The following TRMT11 variants were observed in gnomAD, a reference collection of about 807,000 sequenced individuals.
TRMT11 encodes the protein tRNA methyltransferase 11.
In TRMT11, 53 loss-of-function variants were observed where a neutral mutation model predicts 62.8. The observed-to-expected ratio is 0.84, with a 90% CI of 0.68 to 1.06. The LOEUF (loss-of-function observed/expected upper bound fraction) is 1.06. Ranked by LOEUF, TRMT11 falls within the 50% of genes least tolerant of loss-of-function variation. TRMT11 has a pLI of 0.00. For synonymous variants in TRMT11, 188 were observed against 190.3 expected (o/e 0.99, Z 0.10); for missense variants, 556 against 553.4 (o/e 1.00, Z -0.05).
intron 12 of TRMT11, among the ~76,000 whole-genome samples, chr6:126,034,301 C>T (rs370721231): frequency 4.6e-5 from 7 of 152,114 alleles, no homozygotes; most frequent in East Asian, 3.9e-4. Context: ...CAAAAAGATA[C>T]GGAAAATTAA....
intron 17 of TRMT11, among the ~76,000 whole-genome samples, chr6:126,064,870 C>A (rs978324332): frequency 1.3e-5 from 2 of 152,164 alleles, no homozygotes; most frequent in African/African-American, 4.8e-5. Flanking sequence ...GTTTAGCAGC[C>A]TTGTTTTATG....
chr6:126,169,621 T>A (rs1778308281), intron 21 of TRMT11, among the ~76,000 whole-genome samples: 1 of 152,212 alleles, frequency 6.6e-6, no homozygotes, highest in Non-Finnish European at 1.5e-5. Flanking sequence ...TGTGGTCACC[T>A]GGCTGGTGAA....
At chr6:126,200,603 GA>G (rs1282668013) in intron 3 of TRMT11, among the ~76,000 whole-genome samples, 3 of 152,080 alleles carry the variant, frequency 2.0e-5, no homozygotes, top group Non-Finnish European at 4.4e-5. Context: ...GCCCAGGCTG[GA>G]AGTGCAGTGG....
At chr6:126,015,062 A>G (rs549101264) in intron 11 of TRMT11, among the ~76,000 whole-genome samples, 77 of 139,658 alleles carry the variant, frequency 5.5e-4, no homozygotes, top group Admixed American at 1.6e-3. Context: ...TTTTTGTTTA[A>G]TTCAAGTTGT....
chr6:126,178,381 G>C (rs1259736356), intron 1 of TRMT11, among the ~76,000 whole-genome samples: 1 of 152,164 alleles, frequency 6.6e-6, no homozygotes, highest in Non-Finnish European at 1.5e-5. Context: ...CATGGGACTG[G>C]CCTTGCAGCT....
At chr6:126,189,015 G>T (rs1288701066) in intron 1 of TRMT11, among the ~76,000 whole-genome samples, 1 of 152,060 alleles carries the variant, frequency 6.6e-6, no homozygotes, top group African/African-American at 2.4e-5. Flanking sequence ...ATCATAGGAG[G>T]TTATAGACTC....
intron 17 of TRMT11, among the ~76,000 whole-genome samples, chr6:126,106,017 A>G (rs1026899062): frequency 6.6e-5 from 10 of 152,210 alleles, no homozygotes; most frequent in African/African-American, 2.2e-4. Context: ...TGCTCAATAC[A>G]TAATTGTTTG....
intron 21 of TRMT11, among the ~76,000 whole-genome samples, chr6:126,129,156 C>G (rs1023629997): frequency 2.0e-5 from 3 of 152,088 alleles, no homozygotes; most frequent in Admixed American, 1.3e-4. Flanking sequence ...ACTCTCATAT[C>G]TCTAACAGTA....
intron 17 of TRMT11, among the ~76,000 whole-genome samples, chr6:126,081,832 T>C (rs1777162365): frequency 6.6e-6 from 1 of 152,130 alleles, no homozygotes; most frequent in Non-Finnish European, 1.5e-5. Context: ...GATCCAGTGA[T>C]AATATGTGCA....
At chr6:126,018,698 G>GT (rs1345411925) in intron 11 of TRMT11, among the ~76,000 whole-genome samples, 1 of 151,702 alleles carries the variant, frequency 6.6e-6, no homozygotes, top group Non-Finnish European at 1.5e-5. Context: ...GGATGATTTA[G>GT]TTTTTAAATA....
intron 17 of TRMT11, among the ~76,000 whole-genome samples, chr6:126,053,251 T>C (rs2128111940): frequency 6.6e-6 from 1 of 152,304 alleles, no homozygotes; most frequent in South Asian, 2.1e-4. Context: ...AGTGTGAGTC[T>C]AAGAGGAGCA....
At chr6:126,218,217 TG>T in the TRMT11 span, among the ~76,000 whole-genome samples, 1 of 152,218 alleles carries the variant, frequency 6.6e-6, no homozygotes, top group East Asian at 1.9e-4. Context: ...TGCCCCACTG[TG>T]GCTGAGTCGG....
chr6:126,085,835 C>T (rs770694362), intron 17 of TRMT11, among the ~76,000 whole-genome samples: 37 of 152,100 alleles, frequency 2.4e-4, no homozygotes, highest in Admixed American at 4.6e-4. Flanking sequence ...GTACTTTGGG[C>T]GATGATGTGT....
At chr6:126,036,715 A>G (rs1359043105) in intron 12 of TRMT11, among the ~76,000 whole-genome samples, 1 of 152,150 alleles carries the variant, frequency 6.6e-6, no homozygotes, top group Non-Finnish European at 1.5e-5. Flanking sequence ...GGAAGTGATC[A>G]AGTTTTCTAG....
At chr6:126,177,536 G>T (rs1778400599) in intron 1 of TRMT11, among the ~76,000 whole-genome samples, 1 of 151,986 alleles carries the variant, frequency 6.6e-6, no homozygotes, top group Admixed American at 6.6e-5. Context: ...TAAAGCTTTA[G>T]GTATTTTCTA....
chr6:126,048,768 A>G (rs754199095), intron 16 of TRMT11, among the ~76,000 whole-genome samples: 5 of 152,198 alleles, frequency 3.3e-5, no homozygotes, highest in Non-Finnish European at 7.3e-5. Context: ...AAGGACGAAC[A>G]CACTGCATGG....
chr6:126,152,001 CCCTTCCTT>C (rs1353050080), intron 21 of TRMT11, among the ~76,000 whole-genome samples: 1 of 115,406 alleles, frequency 8.7e-6, no homozygotes, highest in Non-Finnish European at 1.7e-5. Flanking sequence ...CTCCCTTCCT[CCCTTCCTT>C]CCTTCCTTTT....
chr6:126,080,607 A>G (rs1777140560), intron 17 of TRMT11, among the ~76,000 whole-genome samples: 2 of 152,144 alleles, frequency 1.3e-5, no homozygotes, highest in Non-Finnish European at 2.9e-5. Context: ...GCCTGTAGCT[A>G]TTTGTTAGAG....
chr6:126,260,849 G>T, the TRMT11 span, among the ~76,000 whole-genome samples: 1 of 152,140 alleles, frequency 6.6e-6, no homozygotes, highest in Non-Finnish European at 1.5e-5. Flanking sequence ...GCAGCTTTTA[G>T]AATTATCTCT....
Sources: gnomAD v4.1 joint callset for allele counts (sites outside exome capture counted in the v4.1 genomes callset) on GRCh38, gnomAD v4.1.1 for gene constraint, MANE v1.5 for transcripts, NCBI Gene and HGNC (gene_info 2026-07-23, HGNC 2026-07-21) for gene names.